Variants in MCF2L observed in about 807,000 individuals in gnomAD.
MCF2L encodes guanine nucleotide exchange factor DBS.
A neutral mutation model predicts 153.4 loss-of-function variants in MCF2L; 97 were observed. That is an observed-to-expected ratio of 0.63 (90% CI 0.54 to 0.75). The LOEUF is 0.75. MCF2L is among the 30% of genes least tolerant of loss of function. The pLI is 0.00. For synonymous variants in MCF2L, 659 were observed against 632.2 expected (o/e 1.04, Z -0.64); for missense variants, 1,347 against 1,495.2 (o/e 0.90, Z 1.64).
chr13:113,083,811 C>A (rs1447978499), intron 17 of MCF2L, among the ~76,000 whole-genome samples, 187 bp from the exon 18 acceptor site: 1 of 152,250 alleles, frequency 6.6e-6, no homozygotes, highest in Non-Finnish European at 1.5e-5. Context: ...CAGCCTGGGG[C>A]TGCACCTGCT....
chr13:112,962,590 A>T (rs2081845028), intron 2 of MCF2L, among the ~76,000 whole-genome samples: 1 of 152,168 alleles, frequency 6.6e-6, no homozygotes, highest in Non-Finnish European at 1.5e-5. Context: ...TCTTGCCCAG[A>T]CCGCAGCAAT....
intron 1 of MCF2L, among the ~76,000 whole-genome samples, chr13:112,996,194 G>A (rs1176788543): frequency 2.0e-5 from 3 of 152,216 alleles, no homozygotes; most frequent in Admixed American, 2.0e-4. Flanking sequence ...CAGGCTTGGA[G>A]GCGTGCACCT....
rs1368181524 is a variant in MCF2L, at chr13:113,097,298, T to A, written c.*439T>A. 6.1e-6 allele frequency: 1 copy of A among 164,944 alleles called. No homozygotes were observed. Among genetic ancestry groups the A allele is most frequent in the Non-Finnish European group, 1.3e-5 (1 of 76,952 alleles). 10.2% of individuals were successfully genotyped at this position (164,944 alleles called of 1,614,324 possible). A position where few individuals can be genotyped will look rare whatever the true frequency, so the allele number is the denominator to read the frequency against. On this transcript the variant is annotated 3_prime_UTR_variant, in exon 30 of 30. Coordinates refer to ENST00000535094, the MANE Select transcript of MCF2L (RefSeq NM_001112732.3). ...GTTTTAGGATTTTTTCAAGCAGGGA[T>A]CAATCCCGTGGCCATTTTTTGTGGT... is the stretch of plus-strand genomic sequence containing the variant.
At chr13:112,984,376 G>A (rs1281013118) in intron 1 of MCF2L, among the ~76,000 whole-genome samples, 2 of 152,028 alleles carry the variant, frequency 1.3e-5, no homozygotes, top group Admixed American at 6.5e-5. Flanking sequence ...CTGGAATTAC[G>A]GGTATGTGCC....
chr13:113,007,095 CT>C (rs1007230761), intron 1 of MCF2L, among the ~76,000 whole-genome samples: 16 of 152,122 alleles, frequency 1.1e-4, no homozygotes, highest in African/African-American at 3.9e-4. Flanking sequence ...CCCTCTGCCC[CT>C]TGATTTTTTA....
intron 2 of MCF2L, among the ~76,000 whole-genome samples, chr13:112,944,107 G>C (rs977030390): frequency 6.6e-6 from 1 of 150,812 alleles, no homozygotes; most frequent in East Asian, 2.0e-4. Context: ...CATGAGGGAA[G>C]GGTCCCGGGC....
Position 113,094,599 on chromosome 13 carries a change from C to T in MCF2L, c.3039C>T (p.Asp1013=), listed in dbSNP as rs373581704. The T allele has an allele frequency of 6.6e-5, 106 of 1,612,356 alleles. No individual in the cohort carries two copies. The highest frequency in any genetic ancestry group is 3.5e-4 in the Admixed American group (21 of 59,946). The part of the protein sequence containing the change: ...SSAEEQINSS[D]AEEDGGLGPK... ...CAGAGGAGCAGATTAACTCGTCCGA[C>T]GCAGAGGAGGACGGCGGGTTGGGCC... The change falls in exon 27 of 30, where the codon GAC becomes GAT. Residue 1013 remains aspartate, a synonymous_variant. Transcript: ENST00000535094.
rs188169642 is a variant in MCF2L at position 113,088,272 on chromosome 13, G to A, written c.2689-55G>A. On this transcript the variant is annotated intron_variant, in intron 23 of 29. Transcript: ENST00000535094. ...GATGTTCCGAGAGTGAAACCAAAGC[G>A]TGTTTCCTCGGGGGCCTGAGTACTC... The A allele has an allele frequency of 1.9e-4, 266 of 1,398,246 alleles. No homozygotes were observed. The East Asian group carries it at 5.1e-3, about 27-fold the overall frequency. The allele number at this position is 1,398,246 out of a possible 1,614,324, so 86.6% of individuals were successfully genotyped here. A position where few individuals can be genotyped will look rare whatever the true frequency, so the allele number is the denominator to read the frequency against.
chr13:113,008,630 A>G (rs3011528), intron 1 of MCF2L: 85,641 of 152,072 alleles, frequency 0.56, 24,575 homozygotes, highest in East Asian at 0.78. Context: ...GTCCTTTTAC[A>G]TATTAAACAA....
chr13:113,005,921 G>A (rs183593619), intron 1 of MCF2L, among the ~76,000 whole-genome samples: 23 of 152,356 alleles, frequency 1.5e-4, no homozygotes, highest in Admixed American at 1.4e-3. Flanking sequence ...TGATGAGCCA[G>A]CCAAGGGCTC....
intron 1 of MCF2L, among the ~76,000 whole-genome samples, chr13:112,981,620 C>G (rs1486185428): frequency 2.6e-5 from 4 of 152,238 alleles, no homozygotes; most frequent in Non-Finnish European, 4.4e-5. Flanking sequence ...GAGGCAGACT[C>G]TGGGTCCCTG....
intron 2 of MCF2L, among the ~76,000 whole-genome samples, chr13:112,914,299 C>T (rs1412917784): frequency 6.6e-6 from 1 of 152,196 alleles, no homozygotes; most frequent in African/African-American, 2.4e-5. Context: ...TGGTAAATAG[C>T]GTCTGCACGC....
chr13:112,968,745 C>G (rs534123761), upstream of MCF2L: 22 of 1,381,548 alleles, frequency 1.6e-5, no homozygotes, highest in South Asian at 3.3e-5. Flanking sequence ...GGCGCGGCCC[C>G]GCGGAGGCAG....
chr13:113,061,078 C>A (rs1478611328), intron 5 of MCF2L, among the ~76,000 whole-genome samples: 1 of 152,170 alleles, frequency 6.6e-6, no homozygotes, highest in Non-Finnish European at 1.5e-5. Context: ...GGAACTCAGC[C>A]CAGGCCCTGC....
intron 2 of MCF2L, among the ~76,000 whole-genome samples, chr13:112,906,109 C>T (rs1378639723): frequency 6.6e-6 from 1 of 152,192 alleles, no homozygotes; most frequent in Non-Finnish European, 1.5e-5. Context: ...TTCCAGCTCG[C>T]TCGGTGCGGT....
At chr13:112,936,622 A>G (rs1182657976) in intron 2 of MCF2L, among the ~76,000 whole-genome samples, 1 of 152,206 alleles carries the variant, frequency 6.6e-6, no homozygotes, top group Non-Finnish European at 1.5e-5. Flanking sequence ...AACTGCTGGT[A>G]AAAGATCTTT....
At chr13:112,895,321 G>A (rs914908671) in intron 1 of MCF2L, among the ~76,000 whole-genome samples, 1 of 152,158 alleles carries the variant, frequency 6.6e-6, no homozygotes, top group African/African-American at 2.4e-5. Flanking sequence ...GGCCCGGGCC[G>A]CCCAGGCAGG....
In MCF2L at chr13:112,989,653, A is replaced by C. The variant is rs112396784; in HGVS notation, c.79+20195A>C. ...GAGTCCTCCCTGAGCAGGGGATGGA[A>C]CTACCACACCCGAGTCCTCCCTGAG... On this transcript the variant is annotated intron_variant, in intron 1 of 29. Coordinates refer to ENST00000535094, the MANE Select transcript of MCF2L (RefSeq NM_001112732.3). Among the ~76,000 whole-genome samples the C allele has an allele frequency of 3.1e-4, 7 of 22,272 alleles. 3 individuals are homozygous for C. Among genetic ancestry groups the C allele is most frequent in the East Asian group, 1.7e-3 (1 of 604 alleles). The allele number at this position is 22,272 out of a possible 152,430, so 14.6% of individuals were successfully genotyped here.
chr13:113,019,584 A>G (rs1183976728), intron 2 of MCF2L, among the ~76,000 whole-genome samples: 2 of 152,242 alleles, frequency 1.3e-5, no homozygotes, highest in Non-Finnish European at 2.9e-5. Flanking sequence ...GTTTGGGCAG[A>G]GTCGCACGTG....
Sources: gnomAD v4.1 joint callset for allele counts (sites outside exome capture counted in the v4.1 genomes callset) on GRCh38, gnomAD v4.1.1 for gene constraint, MANE v1.5 for transcripts, NCBI Gene and HGNC (gene_info 2026-07-23, HGNC 2026-07-21) for gene names.